HPCAL1: variants seen among roughly 807,000 people sequenced by gnomAD.
HPCAL1 encodes the protein hippocalcin-like protein 1.
Under a neutral mutation model 17.1 loss-of-function variants are expected in HPCAL1, and 8 were observed. That is an observed-to-expected ratio of 0.47 (90% CI 0.27 to 0.84). The LOEUF (loss-of-function observed/expected upper bound fraction) is 0.84, where lower values mean the gene tolerates loss of function less well. Ranked by LOEUF, HPCAL1 falls within the 40% of genes least tolerant of loss-of-function variation. The pLI is 0.13. For missense variants in HPCAL1, 165 were observed against 271.1 expected, an observed-to-expected ratio of 0.61 and a Z score of 2.75; for synonymous variants, 112 against 111.4, an observed-to-expected ratio of 1.01 and a Z score of -0.03.
At chr2:10,319,490 A>G (rs952674603) in intron 1 of HPCAL1, among the ~76,000 whole-genome samples, 1 of 151,370 alleles carries the variant, frequency 6.6e-6, no homozygotes, top group Non-Finnish European at 1.5e-5. Flanking sequence ...GGCTCAAATC[A>G]GAGCATCGAT....
intron 1 of HPCAL1, among the ~76,000 whole-genome samples, 189 bp from the exon 2 acceptor site, chr2:10,396,646 C>T (rs918702067): frequency 3.3e-5 from 5 of 152,218 alleles, no homozygotes; most frequent in South Asian, 2.1e-4. Context: ...TGGGGTGCAG[C>T]GGCCTTGGGC....
rs529999694 is a variant in HPCAL1, at chr2:10,331,515, T to C, written c.-111+28338T>C. On this transcript the variant is annotated intron_variant, in intron 1 of 4. Transcript: ENST00000307845. The surrounding 1 kb of genome is among the most constrained non-coding windows in gnomAD (Gnocchi z 5.0). ...TGGAACGGATGCAGCAGCGAGGTTT[T>C]CCGGGGCAGGAACACCCTCCCAGGA... Among the ~76,000 whole-genome samples, 79 of 152,262 alleles carry C rather than the reference T, an allele frequency of 5.2e-4. 1 individual carries two copies. In the South Asian group the frequency reaches 0.016, roughly 31 times the overall value.
intron 1 of HPCAL1, among the ~76,000 whole-genome samples, chr2:10,307,524 G>A (rs977734718): frequency 6.6e-6 from 1 of 152,170 alleles, no homozygotes; most frequent in Non-Finnish European, 1.5e-5. Flanking sequence ...TGTGGGCTCC[G>A]AGCTGTTCCA....
chr2:10,329,546 C>A (rs1389899695), intron 1 of HPCAL1, among the ~76,000 whole-genome samples: 4 of 152,236 alleles, frequency 2.6e-5, no homozygotes, highest in African/African-American at 9.6e-5. Context: ...ACCCTTAGGT[C>A]CCCCAGAGGA....
At chr2:10,426,631 G>T in intron 4 of HPCAL1, 93 bp from the exon 5 acceptor site, 1 of 955,998 alleles carries the variant, frequency 1.0e-6, no homozygotes, top group South Asian at 1.3e-5. Context: ...TCAACAAAGG[G>T]AGCATACCTG....
intron 1 of HPCAL1, among the ~76,000 whole-genome samples, chr2:10,334,895 C>T (rs1339719960): frequency 6.6e-6 from 1 of 152,196 alleles, no homozygotes; most frequent in East Asian, 1.9e-4. Context: ...CCAGCCTGGT[C>T]TTGAACTCCT....
rs1666914998 is a variant in HPCAL1, at chr2:10,367,356, A to G, written c.-110-29479A>G. Among the ~76,000 whole-genome samples the G allele has an allele frequency of 6.6e-6, 1 of 151,786 alleles. No homozygotes were observed. Among genetic ancestry groups the G allele is most frequent in the Non-Finnish European group, 1.5e-5 (1 of 67,946 alleles). On this transcript the variant is annotated intron_variant, in intron 1 of 4. Transcript: ENST00000307845. This position sits in a 1 kb window ranked among gnomAD's most constrained non-coding sequence, Gnocchi z 4.4. Reference sequence around the variant, plus strand: ...CAGGCTAGAGTGCGAGCTCGATCATAGCTCACTGCAACCTCAAACTCCCAG... The same window carrying G: ...CAGGCTAGAGTGCGAGCTCGATCATGGCTCACTGCAACCTCAAACTCCCAG...
rs1424440909 is a variant in HPCAL1, at chr2:10,363,394, C to T, written c.-110-33441C>T. On this transcript the variant is annotated intron_variant, in intron 1 of 4. Coordinates refer to ENST00000307845, the MANE Select transcript of HPCAL1 (RefSeq NM_002149.4). This position sits in a 1 kb window ranked among gnomAD's most constrained non-coding sequence, Gnocchi z 4.7. ...CGTTTACCGTCCAGCACCCCCATTT[C>T]TGCTGCTCTGATAACTTGGATCGAC... Among the ~76,000 whole-genome samples, 1 of 152,202 alleles carries T rather than the reference C, an allele frequency of 6.6e-6. No homozygotes were observed. Among genetic ancestry groups the T allele is most frequent in the Non-Finnish European group, 1.5e-5 (1 of 68,040 alleles).
intron 1 of HPCAL1, among the ~76,000 whole-genome samples, chr2:10,316,306 T>C (rs1247817281): frequency 6.6e-6 from 1 of 152,212 alleles, no homozygotes; most frequent in Non-Finnish European, 1.5e-5. Flanking sequence ...AGCTCCCTTT[T>C]TGAAAATAAC....
At chr2:10,403,454 T>TTGTGTGTG (rs70948890) in intron 2 of HPCAL1, among the ~76,000 whole-genome samples, 1 of 65,106 alleles carries the variant, frequency 1.5e-5, no homozygotes, top group Admixed American at 1.2e-4. Context: ...AAGAGTTCTT[T>TTGTGTGTG]TGTGTGTGTG....
At chr2:10,322,209 G>T (rs1663710733) in intron 1 of HPCAL1, among the ~76,000 whole-genome samples, 1 of 152,042 alleles carries the variant, frequency 6.6e-6, no homozygotes, top group Non-Finnish European at 1.5e-5. Context: ...GTTTAGTAGA[G>T]ATGAGTTCTC....
intron 1 of HPCAL1, among the ~76,000 whole-genome samples, chr2:10,307,644 G>A (rs1662708051): frequency 6.6e-6 from 1 of 152,208 alleles, no homozygotes; most frequent in Non-Finnish European, 1.5e-5. Flanking sequence ...TCTCTGGAGA[G>A]TTTTGGAGCT....
chr2:10,340,366 A>T (rs1665002368), intron 1 of HPCAL1, among the ~76,000 whole-genome samples: 1 of 152,172 alleles, frequency 6.6e-6, no homozygotes, highest in African/African-American at 2.4e-5. Flanking sequence ...GTATTGTAGG[A>T]CCTGTTGCTA....
chr2:10,325,363 C>T (rs1463123165), intron 1 of HPCAL1, among the ~76,000 whole-genome samples: 3 of 152,210 alleles, frequency 2.0e-5, no homozygotes, highest in African/African-American at 7.2e-5. Flanking sequence ...TTTTCAGCCC[C>T]AGCCTCTGAG....
chr2:10,309,168 A>G (rs1024977816), intron 1 of HPCAL1, among the ~76,000 whole-genome samples: 2 of 152,102 alleles, frequency 1.3e-5, no homozygotes, highest in Admixed American at 6.5e-5. Flanking sequence ...CTGAGTAGCT[A>G]GGACTACAGG....
intron 2 of HPCAL1, among the ~76,000 whole-genome samples, chr2:10,411,240 C>G (rs956520527): frequency 1.3e-5 from 2 of 152,204 alleles, no homozygotes; most frequent in African/African-American, 4.8e-5. Context: ...TGCTTATGGT[C>G]TTGGCATGGA....
chr2:10,375,424 A>T (rs1456941460), intron 1 of HPCAL1, among the ~76,000 whole-genome samples: 1 of 152,140 alleles, frequency 6.6e-6, no homozygotes, highest in Non-Finnish European at 1.5e-5. Context: ...GCGGAGCAAC[A>T]GCTCCCTGTG....
chr2:10,315,019 C>T lies in HPCAL1; in HGVS notation c.-111+11842C>T, dbSNP rs181466823. Among the ~76,000 whole-genome samples, 7 of 152,198 alleles carry T rather than the reference C, an allele frequency of 4.6e-5. No homozygotes were observed. In the East Asian group the frequency reaches 9.7e-4, roughly 21 times the overall value. ...GATAAAGAATTATGCAGGCCAGGCG[C>T]GGTGGCTCACGCCTGTAATCCCAGC... On this transcript the variant is annotated intron_variant, in intron 1 of 4. Coordinates refer to ENST00000307845, the MANE Select transcript of HPCAL1 (RefSeq NM_002149.4).
At chr2:10,421,267 C>G (rs1474799645) in intron 3 of HPCAL1, among the ~76,000 whole-genome samples, 1 of 152,228 alleles carries the variant, frequency 6.6e-6, no homozygotes, top group Non-Finnish European at 1.5e-5. Context: ...ACCTTCATGC[C>G]TATCAACAGC....
Sources: gnomAD v4.1 joint callset for allele counts (sites outside exome capture counted in the v4.1 genomes callset) on GRCh38, gnomAD v4.1.1 for gene constraint, Gnocchi (gnomAD v3.1) non-coding constraint, MANE v1.5 for transcripts, NCBI Gene and HGNC (gene_info 2026-07-23, HGNC 2026-07-21) for gene names.